The following ADIPOQ variants were observed in gnomAD, a reference collection of about 807,000 sequenced individuals.
The protein encoded by ADIPOQ is adiponectin.
Under a neutral mutation model 16.1 loss-of-function variants are expected in ADIPOQ, and 19 were observed. The observed-to-expected ratio is 1.18, with a 90% confidence interval of 0.82 to 1.73. The LOEUF (loss-of-function observed/expected upper bound fraction) is 1.73. Ranked by LOEUF, ADIPOQ falls within the 40% of genes most tolerant of loss-of-function variation. ADIPOQ has a pLI of 0.00. For synonymous variants in ADIPOQ, 124 were observed against 125.5 expected (o/e 0.99, Z 0.08); for missense variants, 323 against 308.3 (o/e 1.05, Z -0.36).
intron 1 of ADIPOQ, among the ~76,000 whole-genome samples, chr3:186,849,080 T>G (rs925842999): frequency 6.6e-6 from 1 of 152,154 alleles, no homozygotes; most frequent in African/African-American, 2.4e-5. Flanking sequence ...AAAGAGATCT[T>G]TATTTTTGAC....
At chr3:186,852,849 C>A in intron 1 of ADIPOQ, 1 of 591,408 alleles carries the variant, frequency 1.7e-6, no homozygotes, top group Non-Finnish European at 3.0e-6. Flanking sequence ...GGGAATAATG[C>A]TAAGTATTAC....
chr3:186,848,055 C>T (rs1002105522), intron 1 of ADIPOQ, among the ~76,000 whole-genome samples: 4 of 151,884 alleles, frequency 2.6e-5, no homozygotes, highest in Non-Finnish European at 4.4e-5. Flanking sequence ...TTCCTGTGAT[C>T]CCAGCTACTT....
In ADIPOQ at chr3:186,852,916, G is replaced by A. The variant is rs1294331225; in HGVS notation, c.-8-135G>A. On this transcript the variant is annotated intron_variant, in intron 1 of 2. Transcript: ENST00000320741. The stretch of plus-strand genomic sequence containing the variant: ...CTGCAATATTCAGAAAAGTCTTCCT[G>A]GAAAAGTTGAATACTTAGAAAGCAG... 6 of 868,296 alleles carry A rather than the reference G, an allele frequency of 6.9e-6. 1 individual carries two copies. The highest frequency in any genetic ancestry group is 1.1e-5 in the Non-Finnish European group (6 of 558,590). 53.8% of individuals were successfully genotyped at this position (868,296 alleles called of 1,614,324 possible). A position where few individuals can be genotyped will look rare whatever the true frequency, so the allele number is the denominator to read the frequency against.
In ADIPOQ at chr3:186,854,294, T is replaced by C. The variant is rs1711902129; in HGVS notation, c.325T>C (p.Tyr109His). ...GAAAGGAGAACCTGGAGAAGGTGCC[T>C]ATGTATACCGCTCAGCATTCAGTGT... is the stretch of plus-strand genomic sequence containing the variant. ...GRKGEPGEGAYVYRSAFSVGL... is the reference protein window; with the variant it reads ...GRKGEPGEGAHVYRSAFSVGL... The change falls in exon 3 of 3, where the codon TAT (tyrosine) becomes CAT (histidine). Residue 109 changes from tyrosine to histidine, a missense_variant. Tyr to His is a moderately conservative substitution (Grantham distance 83). Transcript: ENST00000320741. 1 of 1,614,228 alleles carries C rather than the reference T, an allele frequency of 6.2e-7. No individual in the cohort carries two copies. The highest frequency in any genetic ancestry group is 1.7e-5 in the Admixed American group (1 of 60,028).
intron 1 of ADIPOQ, among the ~76,000 whole-genome samples, chr3:186,845,850 T>TCG (rs1389816966): frequency 6.6e-6 from 1 of 152,164 alleles, no homozygotes; most frequent in African/African-American, 2.4e-5. Context: ...TCCAAAGAAC[T>TCG]CGCGCCAGTG....
intron 1 of ADIPOQ, 61 bp from the exon 2 acceptor site, chr3:186,852,990 C>A: frequency 6.4e-7 from 1 of 1,574,186 alleles, no homozygotes. Flanking sequence ...TTGTAGGTCC[C>A]AACTGGGTGT....
chr3:186,848,627 G>C (rs1346545976), intron 1 of ADIPOQ, among the ~76,000 whole-genome samples: 1 of 152,230 alleles, frequency 6.6e-6, no homozygotes, highest in East Asian at 1.9e-4. Context: ...TCATTTTCAT[G>C]TGGCATTTTC....
intron 1 of ADIPOQ, among the ~76,000 whole-genome samples, chr3:186,850,687 T>C (rs1257952499): frequency 6.6e-6 from 1 of 152,140 alleles, no homozygotes; most frequent in Non-Finnish European, 1.5e-5. Context: ...ATATATTGAT[T>C]ATATCCACTT....
At chr3:186,849,537 T>C (rs1711677810) in intron 1 of ADIPOQ, among the ~76,000 whole-genome samples, 1 of 152,136 alleles carries the variant, frequency 6.6e-6, no homozygotes, top group Non-Finnish European at 1.5e-5. Flanking sequence ...TCTCCTGAAT[T>C]CTTCAAATTC....
At chr3:186,853,640 T>A (rs1711869887) in intron 2 of ADIPOQ, 2 of 298,766 alleles carry the variant, frequency 6.7e-6, no homozygotes, top group Non-Finnish European at 1.3e-5. Context: ...GTCCTGCCTT[T>A]GGGGAACTCT....
intron 1 of ADIPOQ, among the ~76,000 whole-genome samples, chr3:186,845,258 G>A (rs985896786): frequency 4.6e-5 from 7 of 152,086 alleles, no homozygotes; most frequent in South Asian, 2.1e-4. Flanking sequence ...GAAGGCTTTC[G>A]GGCAAAGCTC....
At chr3:186,844,749 T>G (rs1193323401) in intron 1 of ADIPOQ, among the ~76,000 whole-genome samples, 1 of 152,010 alleles carries the variant, frequency 6.6e-6, no homozygotes, top group Non-Finnish European at 1.5e-5. Flanking sequence ...TCTCACTATA[T>G]TGGCTGGGGG....
intron 1 of ADIPOQ, among the ~76,000 whole-genome samples, chr3:186,842,995 C>G (rs1409072297): frequency 6.6e-6 from 1 of 152,120 alleles, no homozygotes; most frequent in Non-Finnish European, 1.5e-5. Flanking sequence ...TGAATTTTGC[C>G]CAGTTCGCTC....
chr3:186,843,670 A>AT (rs1711508881), intron 1 of ADIPOQ, among the ~76,000 whole-genome samples: 1 of 151,686 alleles, frequency 6.6e-6, no homozygotes. Flanking sequence ...CAAAAAAAAA[A>AT]AAAAAAGAAA....
rs973747355 is a variant in ADIPOQ, at chr3:186,854,909, A to G, written c.*205A>G. 1.6e-5 allele frequency: 11 copies of G among 708,632 alleles called. No homozygotes were observed. Among genetic ancestry groups the G allele is most frequent in the African/African-American group, 3.6e-5 (2 of 55,852 alleles). The allele number at this position is 708,632 out of a possible 1,614,324, so 43.9% of individuals were successfully genotyped here. On this transcript the variant is annotated 3_prime_UTR_variant, in exon 3 of 3. Coordinates refer to ENST00000320741, the MANE Select transcript of ADIPOQ (RefSeq NM_004797.4). ...CCCAGTCCTGGGGAGCTTCACAAAC[A>G]TGACCAGATAACTGACTAGAAAGAA...
Position 186,842,723 on chromosome 3 carries a change from T to C in ADIPOQ, c.-35T>C, listed in dbSNP as rs1723034573. 6.6e-6 allele frequency: 1 copy of C among 152,402 alleles called. No individual in the cohort carries two copies. Among genetic ancestry groups the C allele is most frequent in the Non-Finnish European group, 1.5e-5 (1 of 68,218 alleles). The allele number at this position is 152,402 out of a possible 1,614,324, so 9.4% of individuals were successfully genotyped here. A position where few individuals can be genotyped will look rare whatever the true frequency, so the allele number is the denominator to read the frequency against. Reference sequence around the variant, plus strand: ...CTCCTCACTTCCATTCTGACTGCAGTCTGTGGTTCTGATTCCATACCAGAG... The same window carrying C: ...CTCCTCACTTCCATTCTGACTGCAGCCTGTGGTTCTGATTCCATACCAGAG... On this transcript the variant is annotated 5_prime_UTR_variant, in exon 1 of 3. Coordinates refer to ENST00000320741, the MANE Select transcript of ADIPOQ (RefSeq NM_004797.4).
Position 186,854,723 on chromosome 3 carries a change from C to G in ADIPOQ, c.*19C>G, listed in dbSNP as rs748005683. The G allele has an allele frequency of 6.2e-7, 1 of 1,613,660 alleles. No homozygotes were observed. Among genetic ancestry groups the G allele is most frequent in the Non-Finnish European group, 8.5e-7 (1 of 1,179,952 alleles). On this transcript the variant is annotated 3_prime_UTR_variant, in exon 3 of 3. Coordinates refer to ENST00000320741, the MANE Select transcript of ADIPOQ (RefSeq NM_004797.4). ...CAACTGATCACCACTAACTCAGAGC[C>G]TCCTCCAGGCCAAACAGCCCCAAAG... is the stretch of plus-strand genomic sequence containing the variant.
At chr3:186,845,257 C>T (rs750256160) in intron 1 of ADIPOQ, among the ~76,000 whole-genome samples, 13 of 152,028 alleles carry the variant, frequency 8.6e-5, no homozygotes, top group Non-Finnish European at 1.6e-4. Context: ...TGAAGGCTTT[C>T]GGGCAAAGCT....
Position 186,853,212 on chromosome 3 carries a change from G to T in ADIPOQ, c.154G>T (p.Ala52Ser), listed in dbSNP as rs1479627701. ...GIPGHPGHNG[A>S]PGRDGRDGTP... ...CCCAGGGCATCCGGGCCATAATGGG[G>T]CCCCAGGCCGTGATGGCAGAGATGG... The change falls in exon 2 of 3, where the codon GCC becomes TCC. Residue 52 changes from alanine (A) to serine (S), a missense_variant. Coordinates refer to ENST00000320741, the MANE Select transcript of ADIPOQ (RefSeq NM_004797.4). The T allele has an allele frequency of 1.2e-6, 2 of 1,613,892 alleles. No individual in the cohort carries two copies. The highest frequency in any genetic ancestry group is 1.7e-6 in the Non-Finnish European group (2 of 1,179,904).
Sources: allele counts gnomAD v4.1 joint callset (sites outside exome capture counted in the v4.1 genomes callset), GRCh38; gene constraint gnomAD v4.1.1; transcripts MANE v1.5; gene names NCBI Gene and HGNC (gene_info 2026-07-23, HGNC 2026-07-21).